EFCAB5: variants seen among roughly 807,000 people sequenced by gnomAD.
The protein encoded by EFCAB5 is EF-hand calcium-binding domain-containing protein 5.
A neutral mutation model predicts 167.9 loss-of-function variants in EFCAB5; 131 were observed. The observed-to-expected ratio is 0.78, with a 90% CI of 0.68 to 0.90. EFCAB5 has a LOEUF of 0.90. Among genes scored for constraint, EFCAB5 ranks in the 40% least tolerant of loss-of-function variants. The pLI is 0.00. For missense variants in EFCAB5, 1,663 were observed against 1,745.2 expected (o/e 0.95, Z 0.84); for synonymous variants, 574 against 602.8 (o/e 0.95, Z 0.70).
intron 1 of EFCAB5, among the ~76,000 whole-genome samples, chr17:29,930,794 C>T (rs961543757): frequency 2.0e-5 from 3 of 152,268 alleles, no homozygotes; most frequent in East Asian, 3.9e-4. Context: ...TACCCTCATG[C>T]TTCCTCTATT....
rs1440811376 is a variant in EFCAB5 at position 30,082,929 on chromosome 17, C to G, written c.3465C>G (p.Val1155=). The change falls in exon 18 of 23, where the codon GTC becomes GTG. Residue 1155 remains valine (V), a synonymous_variant. Transcript: ENST00000394835. The part of the protein sequence containing the change: ...ANVFSTAYHY[V]HSREHILHIV... ...TCTTTAGCACTGCCTATCACTACGT[C>G]CACAGCCGGGAGCACATTCTGCATA... 1.2e-6 allele frequency: 2 copies of G among 1,613,952 alleles called. No individual in the cohort carries two copies. The highest frequency in any genetic ancestry group is 1.7e-6 in the Non-Finnish European group (2 of 1,179,880).
chr17:30,030,666 CTT>C (rs751675995), intron 7 of EFCAB5, among the ~76,000 whole-genome samples: 29 of 142,044 alleles, frequency 2.0e-4, no homozygotes, highest in Non-Finnish European at 2.2e-4. Context: ...TTAACTAATT[CTT>C]TTTTTTTTTT....
At chr17:29,965,313 A>G (rs1209609556) in intron 3 of EFCAB5, among the ~76,000 whole-genome samples, 1 of 151,220 alleles carries the variant, frequency 6.6e-6, no homozygotes. Flanking sequence ...TGAGTTGTTT[A>G]TTTTCTGTAG....
chr17:29,964,580 A>G (rs1299180988), intron 3 of EFCAB5, among the ~76,000 whole-genome samples: 1 of 152,192 alleles, frequency 6.6e-6, no homozygotes, highest in Admixed American at 6.5e-5. Context: ...GGTGTGAGCC[A>G]CCGCGCCCAG....
rs749035519 is a variant in EFCAB5, at chr17:30,080,983, TA to T, written c.3426+4del. On this transcript the variant is annotated splice_donor_region_variant and intron_variant, in intron 17 of 22. Transcript: ENST00000394835. ...CCTCATGAGATCAGATTCTATCAGG[TA>T]AGTCATAGAAGTCTTCAAGAGCGAT... 99 of 1,610,640 alleles carry T rather than the reference TA, an allele frequency of 6.1e-5. No individual in the cohort carries two copies. The highest frequency in any genetic ancestry group is 8.3e-5 in the Non-Finnish European group (98 of 1,178,644).
At chr17:30,098,233 G>A (rs575359768) in intron 22 of EFCAB5, among the ~76,000 whole-genome samples, 25 of 149,980 alleles carry the variant, frequency 1.7e-4, no homozygotes, top group African/African-American at 5.9e-4. Context: ...CCATACCCAG[G>A]CTTCAATTCT....
intron 4 of EFCAB5, among the ~76,000 whole-genome samples, chr17:29,991,909 A>G (rs73265742): frequency 0.015 from 2,343 of 152,316 alleles, 63 homozygotes; most frequent in African/African-American, 0.052. Flanking sequence ...GTAAATCAAT[A>G]TCTTATAATT....
chr17:30,079,037 A>G (rs1438694193), intron 15 of EFCAB5, among the ~76,000 whole-genome samples: 1 of 152,212 alleles, frequency 6.6e-6, no homozygotes, highest in African/African-American at 2.4e-5. Flanking sequence ...CAGCCTTGCC[A>G]CCTCCTCAGA....
chr17:30,080,140 G>T lies in EFCAB5; in HGVS notation c.3096G>T (p.Leu1032=). ...CCCTCTTAGAAGAAAACCTACTACTGCCTGAGAAAGGGAATGTTCTATTGA... is the reference window on the plus strand; with the variant it reads ...CCCTCTTAGAAGAAAACCTACTACTTCCTGAGAAAGGGAATGTTCTATTGA... ...HISLLEENLL[L]PEKGNVLLRN... Residue 1032 remains leucine (L), a synonymous_variant, in exon 16 of 23, where the codon CTG becomes CTT. Coordinates refer to ENST00000394835, the MANE Select transcript of EFCAB5 (RefSeq NM_198529.4). 1 of 1,613,858 alleles carries T rather than the reference G, an allele frequency of 6.2e-7. No homozygotes were observed. The highest frequency in any genetic ancestry group is 1.7e-4 in the Middle Eastern group (1 of 6,060).
At chr17:29,953,664 T>C (rs2067556304) in intron 3 of EFCAB5, among the ~76,000 whole-genome samples, 1 of 152,234 alleles carries the variant, frequency 6.6e-6, no homozygotes, top group Admixed American at 6.5e-5. Context: ...TCTTTATTAG[T>C]AGCATGAGAA....
At chr17:30,037,641 G>T (rs1567731306) in intron 8 of EFCAB5, among the ~76,000 whole-genome samples, 1 of 152,112 alleles carries the variant, frequency 6.6e-6, no homozygotes, top group Non-Finnish European at 1.5e-5. Context: ...AACATTCCTG[G>T]TGAAAATTTA....
intron 7 of EFCAB5, among the ~76,000 whole-genome samples, chr17:30,003,472 A>T (rs1256293185): frequency 2.0e-5 from 3 of 151,478 alleles, no homozygotes; most frequent in Non-Finnish European, 4.4e-5. Flanking sequence ...AGCTCAAGAG[A>T]TCCTCTCATT....
At chr17:30,051,365 G>GTT (rs1567741309) in intron 9 of EFCAB5, 148 bp downstream of exon 9, 7 of 602,094 alleles carry the variant, frequency 1.2e-5, no homozygotes, top group Non-Finnish European at 1.9e-5. Context: ...CATGATAACT[G>GTT]TATCTAGTTG....
intron 8 of EFCAB5, among the ~76,000 whole-genome samples, chr17:30,035,906 A>G (rs1597705125): frequency 6.6e-6 from 1 of 151,750 alleles, no homozygotes; most frequent in East Asian, 1.9e-4. Context: ...TTCAGAGGAA[A>G]GATAGAGTCT....
At chr17:29,985,859 T>C (rs536382292) in intron 4 of EFCAB5, among the ~76,000 whole-genome samples, 1 of 152,250 alleles carries the variant, frequency 6.6e-6, no homozygotes, top group South Asian at 2.1e-4. Flanking sequence ...TTGGGGTCAG[T>C]TTATGGCCAG....
chr17:30,050,025 T>C (rs1417400819), intron 8 of EFCAB5, among the ~76,000 whole-genome samples: 1 of 152,206 alleles, frequency 6.6e-6, no homozygotes, highest in Non-Finnish European at 1.5e-5. Flanking sequence ...GAATGCCTTA[T>C]TGCAGTTAAA....
chr17:30,090,949 C>A (rs1192042140), intron 20 of EFCAB5, among the ~76,000 whole-genome samples: 3 of 152,146 alleles, frequency 2.0e-5, no homozygotes, highest in Admixed American at 6.5e-5. Flanking sequence ...GTATTAAATA[C>A]CCCCATTATG....
At chr17:30,012,872 G>A (rs954415839) in intron 7 of EFCAB5, among the ~76,000 whole-genome samples, 1 of 152,138 alleles carries the variant, frequency 6.6e-6, no homozygotes, top group Non-Finnish European at 1.5e-5. Context: ...GGGCATCCCT[G>A]TCTTATGCCA....
In EFCAB5 at chr17:30,053,426, C is replaced by T; in HGVS notation, c.1472C>T (p.Pro491Leu). 3.7e-6 allele frequency: 6 copies of T among 1,613,956 alleles called. No homozygotes were observed. The highest frequency in any genetic ancestry group is 5.1e-6 in the Non-Finnish European group (6 of 1,179,888). ...AAATTATTAGAAAGTCCAGATCAAC[C>T]TAAACTTAACGAACAGAGAACATCA... is the stretch of plus-strand genomic sequence containing the variant. Reference protein sequence around the residue: ...QSKLLESPDQPKLNEQRTSTP... With the variant: ...QSKLLESPDQLKLNEQRTSTP... The change falls in exon 10 of 23, where the codon CCT (proline) becomes CTT (leucine). Residue 491 changes from proline to leucine, a missense_variant. Transcript: ENST00000394835.
Sources: allele counts gnomAD v4.1 joint callset (sites outside exome capture counted in the v4.1 genomes callset), GRCh38; gene constraint gnomAD v4.1.1; transcripts MANE v1.5; gene names NCBI Gene and HGNC (gene_info 2026-07-23, HGNC 2026-07-21).